The following SCTR variants were observed in gnomAD, a reference collection of about 807,000 sequenced individuals.
SCTR encodes the protein pancreatic secretin receptor.
SCTR carries 56 observed loss-of-function variants against 60.8 expected under a neutral mutation model. The observed-to-expected ratio is 0.92, with a 90% CI of 0.74 to 1.15. SCTR has a LOEUF of 1.15. Among genes scored for constraint, SCTR ranks in the 50% most tolerant of loss-of-function variants. SCTR has a pLI of 0.00. For missense variants in SCTR, 562 were observed against 550.4 expected (o/e 1.02, Z -0.21); for synonymous variants, 202 against 217.0 (o/e 0.93, Z 0.61).
chr2:119,507,612 T>C (rs999456491), intron 1 of SCTR, among the ~76,000 whole-genome samples: 4 of 151,752 alleles, frequency 2.6e-5, no homozygotes, highest in Admixed American at 1.3e-4. Flanking sequence ...AAATTTGCTA[T>C]GGGTGTCATA....
rs1371107248 is a variant in SCTR, at chr2:119,469,665, A to T, written c.406-3779T>A. Reference sequence around the variant, plus strand: ...CCATCACACTCAGCTACTTAAAAAAATTTTTTTTGTAGAGATAGGGTCTCC... The same window carrying T: ...CCATCACACTCAGCTACTTAAAAAATTTTTTTTTGTAGAGATAGGGTCTCC... On this transcript the variant is annotated intron_variant, in intron 4 of 12. Transcript: ENST00000019103. Among the ~76,000 whole-genome samples the T allele has an allele frequency of 5.9e-5, 9 of 151,940 alleles. No individual in the cohort carries two copies. The East Asian group carries it at 9.7e-4, about 16-fold the overall frequency.
intron 5 of SCTR, among the ~76,000 whole-genome samples, chr2:119,464,699 A>G (rs543836282): frequency 3.1e-4 from 47 of 152,320 alleles, no homozygotes; most frequent in African/African-American, 1.0e-3. Context: ...ACTGCACTCC[A>G]GCCTCAGCAG....
rs547271301 is a variant in SCTR at position 119,481,418 on chromosome 2, G to A, written c.194-2500C>T. Among the ~76,000 whole-genome samples, 5 of 152,238 alleles carry A rather than the reference G, an allele frequency of 3.3e-5. No homozygotes were observed. The East Asian group carries it at 9.7e-4, about 29-fold the overall frequency. The stretch of plus-strand genomic sequence containing the variant: ...CTGTCAGAGATATGCAGATCTCTAG[G>A]CCCCAGATCCTCCTTGTGAGACCAG... On this transcript the variant is annotated intron_variant, in intron 2 of 12. Transcript: ENST00000019103.
Position 119,499,850 on chromosome 2 carries a change from A to AG in SCTR, c.73-5303dup, listed in dbSNP as rs1420195027. On this transcript the variant is annotated intron_variant, in intron 1 of 12. Transcript: ENST00000019103. ...CTTAATGTTGACATTTCTTGCCTTAAGGATGGCAAGATGTCTACTCTCACA... is the reference window on the plus strand; with the variant it reads ...CTTAATGTTGACATTTCTTGCCTTAAGGGATGGCAAGATGTCTACTCTCACA... Among the ~76,000 whole-genome samples, 9 of 152,268 alleles carry AG rather than the reference A, an allele frequency of 5.9e-5. No individual in the cohort carries two copies. The South Asian group carries it at 1.7e-3, about 28-fold the overall frequency.
At chr2:119,475,197 A>T (rs1224592948) in intron 3 of SCTR, among the ~76,000 whole-genome samples, 3 of 152,196 alleles carry the variant, frequency 2.0e-5, no homozygotes, top group Non-Finnish European at 4.4e-5. Context: ...GAACTGAATC[A>T]AGAGAGTTAG....
chr2:119,460,414 G>A (rs1347313809), intron 7 of SCTR, among the ~76,000 whole-genome samples: 1 of 148,950 alleles, frequency 6.7e-6, no homozygotes. Flanking sequence ...ATGAGTGGGT[G>A]GATGTGTGCA....
intron 9 of SCTR, 58 bp from the exon 10 acceptor site, chr2:119,448,838 C>T: frequency 1.1e-6 from 1 of 925,258 alleles, no homozygotes; most frequent in South Asian, 1.4e-5. Context: ...AGCCACCTCT[C>T]CTGGCCCTGT....
intron 2 of SCTR, 100 bp from the exon 3 acceptor site, chr2:119,479,018 C>T (rs1287825353): frequency 6.5e-6 from 10 of 1,541,414 alleles, no homozygotes; most frequent in Non-Finnish European, 8.8e-6. Context: ...CTGGAATTCC[C>T]ACTAGACTAC....
chr2:119,448,225 C>G (rs1393377675), intron 10 of SCTR, among the ~76,000 whole-genome samples: 3 of 152,174 alleles, frequency 2.0e-5, no homozygotes, highest in Non-Finnish European at 4.4e-5. Flanking sequence ...GCTGTTTAAG[C>G]CACCTAGTCT....
At chr2:119,475,369 C>T (rs1025746556) in intron 3 of SCTR, among the ~76,000 whole-genome samples, 2 of 152,118 alleles carry the variant, frequency 1.3e-5, no homozygotes, top group South Asian at 4.1e-4. Context: ...CAGGCCTGCC[C>T]GTTTGGGGCC....
intron 11 of SCTR, among the ~76,000 whole-genome samples, chr2:119,445,342 C>G (rs1348062866): frequency 1.3e-5 from 2 of 152,180 alleles, no homozygotes; most frequent in Non-Finnish European, 1.5e-5. Flanking sequence ...GCCCCCAGGC[C>G]GAGAGGAAAA....
chr2:119,470,993 G>A (rs1387348073), intron 4 of SCTR, among the ~76,000 whole-genome samples: 1 of 152,200 alleles, frequency 6.6e-6, no homozygotes, highest in Non-Finnish European at 1.5e-5. Context: ...GAGCCACTGT[G>A]CCTGGCCTGT....
Position 119,461,982 on chromosome 2 carries a change from T to C in SCTR, c.655A>G (p.Met219Val), listed in dbSNP as rs1683627282. 1 of 1,605,980 alleles carries C rather than the reference T, an allele frequency of 6.2e-7. No homozygotes were observed. Among genetic ancestry groups the C allele is most frequent in the Admixed American group, 1.7e-5 (1 of 59,008 alleles). Residue 219 changes from methionine to valine, a missense_variant, in exon 7 of 13, where the codon ATG becomes GTG. Transcript: ENST00000019103. The stretch of plus-strand genomic sequence containing the variant: ...ATGATGCAGTACTGGAACAGCACCA[T>C]GACCAGCTTGCAGCCCGCCTGGAGA... ...DAHRAGCKLV[M>V]VLFQYCIMAN...
At chr2:119,477,694 G>T (rs188013931) in intron 3 of SCTR, among the ~76,000 whole-genome samples, 1 of 152,108 alleles carries the variant, frequency 6.6e-6, no homozygotes, top group African/African-American at 2.4e-5. Context: ...CAGGAGATCC[G>T]CCCACCTCGG....
intron 1 of SCTR, among the ~76,000 whole-genome samples, chr2:119,495,023 C>T (rs547403748): frequency 1.3e-5 from 2 of 152,206 alleles, no homozygotes; most frequent in East Asian, 1.9e-4. Context: ...CAGCCTTGAT[C>T]TCCTGGGCTC....
intron 3 of SCTR, among the ~76,000 whole-genome samples, chr2:119,475,876 G>T (rs1677269468): frequency 6.6e-6 from 1 of 151,988 alleles, no homozygotes; most frequent in Admixed American, 6.6e-5. Flanking sequence ...GGAAGAGAAA[G>T]AGGGCCAAGG....
intron 9 of SCTR, among the ~76,000 whole-genome samples, chr2:119,450,869 A>G (rs1898775): frequency 0.89 from 135,759 of 152,208 alleles, 60,743 homozygotes; most frequent in African/African-American, 0.96. Flanking sequence ...GGCTGATGTG[A>G]GAGGGTCACC....
At chr2:119,469,289 C>A (rs1387912614) in intron 4 of SCTR, among the ~76,000 whole-genome samples, 6 of 152,222 alleles carry the variant, frequency 3.9e-5, no homozygotes, top group African/African-American at 7.2e-5. Flanking sequence ...CCTGCAAGAG[C>A]CTGAAGAGGC....
At chr2:119,465,910 C>A (rs772347027) in intron 4 of SCTR, 24 bp from the exon 5 acceptor site, 2 of 1,544,660 alleles carry the variant, frequency 1.3e-6, no homozygotes, top group African/African-American at 2.7e-5. Context: ...CACGTGTCAG[C>A]CCCGCCGGCC....
Sources: allele counts gnomAD v4.1 joint callset (sites outside exome capture counted in the v4.1 genomes callset), GRCh38; gene constraint gnomAD v4.1.1; transcripts MANE v1.5; gene names NCBI Gene and HGNC (gene_info 2026-07-23, HGNC 2026-07-21).